Variants in ABI1 observed in about 807,000 individuals in gnomAD.
The protein encoded by ABI1 is abl interactor 1.
A neutral mutation model predicts 54.6 loss-of-function variants in ABI1; 14 were observed. The observed-to-expected ratio is 0.26, with a 90% CI of 0.17 to 0.40. The LOEUF is 0.40. ABI1 is among the 10% of genes least tolerant of loss of function. The pLI is 1.00. For synonymous variants in ABI1, 194 were observed against 209.3 expected, an observed-to-expected ratio of 0.93 and a Z score of 0.63; for missense variants, 443 against 598.3, an observed-to-expected ratio of 0.74 and a Z score of 2.71.
At chr10:26,828,424 C>T (rs2048447781) in intron 1 of ABI1, among the ~76,000 whole-genome samples, 1 of 152,168 alleles carries the variant, frequency 6.6e-6, no homozygotes, top group African/African-American at 2.4e-5. Context: ...CCAACACTTG[C>T]TCGATGCAAG....
chr10:26,845,285 A>G (rs2049885625), intron 1 of ABI1, among the ~76,000 whole-genome samples: 1 of 152,162 alleles, frequency 6.6e-6, no homozygotes. Flanking sequence ...TATACATACT[A>G]TAGACCAATT....
At chr10:26,774,082 C>T (rs1238522842) in intron 3 of ABI1, among the ~76,000 whole-genome samples, 1 of 152,146 alleles carries the variant, frequency 6.6e-6, no homozygotes, top group Non-Finnish European at 1.5e-5. Flanking sequence ...TGCTCAAATC[C>T]CTCATATAAA....
At chr10:26,833,142 C>G (rs982058347) in intron 1 of ABI1, among the ~76,000 whole-genome samples, 6 of 152,142 alleles carry the variant, frequency 3.9e-5, no homozygotes, top group Non-Finnish European at 7.4e-5. Flanking sequence ...CATTCATTCC[C>G]AGCAACATCT....
At chr10:26,765,584 C>G (rs1186253008) in intron 6 of ABI1, among the ~76,000 whole-genome samples, 1 of 151,132 alleles carries the variant, frequency 6.6e-6, no homozygotes, top group East Asian at 2.0e-4. Context: ...TATTTTCAAC[C>G]CGAGACTGCC....
intron 2 of ABI1, among the ~76,000 whole-genome samples, chr10:26,778,915 A>C (rs1841763177): frequency 6.6e-6 from 1 of 152,218 alleles, no homozygotes; most frequent in Admixed American, 6.5e-5. Context: ...GTATGCAGGC[A>C]TCACCTGGCT....
intron 8 of ABI1, 26 bp from the exon 9 acceptor site, chr10:26,755,767 G>A (rs371895786): frequency 5.5e-5 from 81 of 1,482,432 alleles, no homozygotes; most frequent in Non-Finnish European, 6.8e-5. Context: ...CAGTATGGGG[G>A]AAGTAAAACA....
intron 1 of ABI1, among the ~76,000 whole-genome samples, chr10:26,844,702 T>G (rs758613444): frequency 3.5e-4 from 53 of 152,256 alleles, no homozygotes; most frequent in Non-Finnish European, 3.2e-4. Context: ...TTCACTTCTG[T>G]GACTGCAAAT....
At chr10:26,819,345 T>G (rs534760799) in intron 2 of ABI1, among the ~76,000 whole-genome samples, 1 of 152,204 alleles carries the variant, frequency 6.6e-6, no homozygotes, top group South Asian at 2.1e-4. Context: ...AAAAGAGGCT[T>G]TACAAAGATA....
chr10:26,855,603 G>A (rs1383981130), intron 1 of ABI1, among the ~76,000 whole-genome samples: 2 of 152,174 alleles, frequency 1.3e-5, no homozygotes, highest in Non-Finnish European at 2.9e-5. Flanking sequence ...AATAAATAGA[G>A]GCAATTATAT....
chr10:26,788,941 C>T (rs1476125232), intron 2 of ABI1: 3 of 144,294 alleles, frequency 2.1e-5, no homozygotes, highest in African/African-American at 7.7e-5. Flanking sequence ...AAAAAAGATA[C>T]CAGCAGTTTG....
intron 2 of ABI1, among the ~76,000 whole-genome samples, chr10:26,804,661 G>A (rs777379093): frequency 6.6e-6 from 1 of 152,132 alleles, no homozygotes; most frequent in Non-Finnish European, 1.5e-5. Context: ...TGCTTTATAA[G>A]CAATTCCTTA....
At chr10:26,817,923 A>C (rs1347865391) in intron 2 of ABI1, among the ~76,000 whole-genome samples, 1 of 151,896 alleles carries the variant, frequency 6.6e-6, no homozygotes, top group Non-Finnish European at 1.5e-5. Context: ...TGGGAGGCCG[A>C]GGCAGGCAGA....
intron 2 of ABI1, among the ~76,000 whole-genome samples, chr10:26,793,339 C>CT (rs1843710407): frequency 6.6e-6 from 1 of 152,166 alleles, no homozygotes; most frequent in Admixed American, 6.5e-5. Flanking sequence ...TGTTACAGAT[C>CT]TTTGTTCAAT....
chr10:26,853,300 C>CTTT (rs74928196), intron 1 of ABI1, among the ~76,000 whole-genome samples: 1 of 138,728 alleles, frequency 7.2e-6, no homozygotes, highest in Admixed American at 7.4e-5. Flanking sequence ...CAACAATGCC[C>CTTT]TTTTTTTTTT....
At chr10:26,848,668 G>A (rs943780056) in intron 1 of ABI1, among the ~76,000 whole-genome samples, 2 of 147,092 alleles carry the variant, frequency 1.4e-5, no homozygotes, top group African/African-American at 5.1e-5. Flanking sequence ...GAGTGCAATG[G>A]TACCATCTCA....
chr10:26,814,336 T>C (rs998557005), intron 2 of ABI1, among the ~76,000 whole-genome samples: 3 of 152,204 alleles, frequency 2.0e-5, no homozygotes, highest in African/African-American at 4.8e-5. Context: ...TGGGCATCAG[T>C]GTCACAAACT....
chr10:26,758,829 C>T (rs746649803), intron 8 of ABI1, among the ~76,000 whole-genome samples: 3 of 152,084 alleles, frequency 2.0e-5, no homozygotes, highest in Admixed American at 6.5e-5. Flanking sequence ...AATATAGACA[C>T]GTCTCGATAA....
intron 2 of ABI1, among the ~76,000 whole-genome samples, chr10:26,806,579 C>T (rs2046891129): frequency 6.6e-6 from 1 of 152,182 alleles, no homozygotes; most frequent in South Asian, 2.1e-4. Context: ...TTCTTAAACT[C>T]AGTAATTCCT....
At chr10:26,816,553 A>G (rs2047576890) in intron 2 of ABI1, among the ~76,000 whole-genome samples, 1 of 152,244 alleles carries the variant, frequency 6.6e-6, no homozygotes, top group African/African-American at 2.4e-5. Flanking sequence ...ACAATTTGCC[A>G]AGGCACAGAA....
Sources: gnomAD v4.1 joint callset for allele counts (sites outside exome capture counted in the v4.1 genomes callset) on GRCh38, gnomAD v4.1.1 for gene constraint, MANE v1.5 for transcripts, NCBI Gene and HGNC (gene_info 2026-07-23, HGNC 2026-07-21) for gene names.